Variants in PI4KA observed in about 807,000 individuals in gnomAD.
PI4KA encodes PI4-kinase alpha.
A neutral mutation model predicts 271.4 loss-of-function variants in PI4KA; 122 were observed. That is an observed-to-expected ratio of 0.45 (90% confidence interval 0.39 to 0.52). The LOEUF (loss-of-function observed/expected upper bound fraction) is 0.52. PI4KA is among the 20% of genes least tolerant of loss of function. The pLI is 0.00. For synonymous variants in PI4KA, 1,041 were observed against 1,078.8 expected (o/e 0.96, Z 0.69); for missense variants, 1,969 against 2,769.1 (o/e 0.71, Z 6.48).
At chr22:20,824,756 ACACAC>A in intron 3 of PI4KA, among the ~76,000 whole-genome samples, 1 of 151,454 alleles carries the variant, frequency 6.6e-6, no homozygotes, top group Non-Finnish European at 1.5e-5. Context: ...ACACACACAC[ACACAC>A]ACACACACAC....
chr22:20,786,183 C>T (rs2147517449), intron 19 of PI4KA: 1 of 1,612,222 alleles, frequency 6.2e-7, no homozygotes, highest in East Asian at 2.2e-5. Flanking sequence ...GACCCGTCCC[C>T]AGGGTCTGCC....
intron 48 of PI4KA, 49 bp from the exon 49 acceptor site, chr22:20,712,846 C>T: frequency 1.3e-6 from 2 of 1,550,814 alleles, no homozygotes; most frequent in Admixed American, 2.0e-5. Flanking sequence ...TCCTTGCACC[C>T]CAGCAGCTCT....
intron 32 of PI4KA, among the ~76,000 whole-genome samples, chr22:20,735,655 G>C (rs1928622124): frequency 6.6e-6 from 1 of 152,140 alleles, no homozygotes; most frequent in South Asian, 2.1e-4. Flanking sequence ...CTGCTGGGAG[G>C]CACAGAAGCC....
At chr22:20,803,529 TTTTTG>T (rs1370164871) in intron 12 of PI4KA, among the ~76,000 whole-genome samples, 3 of 152,142 alleles carry the variant, frequency 2.0e-5, no homozygotes, top group Admixed American at 1.3e-4. Context: ...AACTACTATT[TTTTTG>T]TTTTGTTTTT....
rs767094216 is a variant in PI4KA, at chr22:20,824,416, TG to T, written c.368-3del. On this transcript the variant is annotated splice_polypyrimidine_tract_variant and splice_region_variant and intron_variant, in intron 3 of 54. Coordinates refer to ENST00000255882, the MANE Select transcript of PI4KA (RefSeq NM_058004.4). ...AGCTCTCTGCAACCGGGAGGGCACC[TG>T]GAAGATGTAAAAACATAAATCAGAT... is the stretch of plus-strand genomic sequence containing the variant. 2 of 1,608,730 alleles carry T rather than the reference TG, an allele frequency of 1.2e-6. No homozygotes were observed. The highest frequency in any genetic ancestry group is 1.7e-6 in the Non-Finnish European group (2 of 1,176,336).
rs1935561910 is a variant in PI4KA at position 20,805,052 on chromosome 22, G to A, written c.1282C>T (p.Leu428=). 1 of 1,614,056 alleles carries A rather than the reference G, an allele frequency of 6.2e-7. No homozygotes were observed. Among genetic ancestry groups the A allele is most frequent in the Admixed American group, 1.7e-5 (1 of 60,008 alleles). ...LHDADRIHNE[L]SPLKLRCQAN... ...TGACAGCGCAGTTTGAGGGGGCTCA[G>A]CTCATTGTGGATCCGGTCTGCGTCA... The change falls in exon 11 of 55, where the codon CTG becomes TTG. Residue 428 remains leucine, a synonymous_variant. Transcript: ENST00000255882.
rs377382631 is a variant in PI4KA at position 20,734,060 on chromosome 22, G to A, written c.4035C>T (p.Ala1345=). The part of the protein sequence containing the change: ...AKGSMNRHVA[A]IGPRFKLLTL... Reference sequence around the variant, plus strand: ...GCCCTCACTTGAAGCGGGGCCCGATGGCCGCCACGTGCCGGTTCATGCTCC... The same window carrying A: ...GCCCTCACTTGAAGCGGGGCCCGATAGCCGCCACGTGCCGGTTCATGCTCC... The change falls in exon 34 of 55, where the codon GCC becomes GCT. Residue 1345 remains alanine (A), a synonymous_variant. Transcript: ENST00000255882. 5 of 1,598,254 alleles carry A rather than the reference G, an allele frequency of 3.1e-6. No homozygotes were observed. Among genetic ancestry groups the A allele is most frequent in the Non-Finnish European group, 2.6e-6 (3 of 1,173,276 alleles).
intron 19 of PI4KA, 97 bp downstream of exon 19, chr22:20,793,096 T>C: frequency 1.3e-6 from 1 of 799,490 alleles, no homozygotes; most frequent in South Asian, 1.4e-5. Context: ...GCCTCAACAC[T>C]GCACCTTTCT....
chr22:20,735,329 C>A (rs1370653702), intron 32 of PI4KA, among the ~76,000 whole-genome samples: 1 of 150,190 alleles, frequency 6.7e-6, no homozygotes, highest in East Asian at 1.9e-4. Flanking sequence ...CCCAGCAGCA[C>A]CAGCTTCTAC....
chr22:20,829,437 A>T (rs1257631303), intron 3 of PI4KA, among the ~76,000 whole-genome samples: 2 of 152,056 alleles, frequency 1.3e-5, no homozygotes, highest in Non-Finnish European at 2.9e-5. Flanking sequence ...TCTGGCTTGT[A>T]GGCATAGAGG....
chr22:20,763,025 G>A (rs976793091), intron 22 of PI4KA, among the ~76,000 whole-genome samples: 1 of 89,444 alleles, frequency 1.1e-5, no homozygotes, highest in Non-Finnish European at 2.1e-5. Context: ...TTTGGGGGGG[G>A]GGGGGGTTAG....
intron 23 of PI4KA, among the ~76,000 whole-genome samples, chr22:20,753,421 G>C (rs893739080): frequency 6.6e-6 from 1 of 152,078 alleles, no homozygotes; most frequent in Admixed American, 6.6e-5. Flanking sequence ...ACTTCGTCTG[G>C]ATTTCCCAGG....
chr22:20,775,174 G>A (rs1933169031), intron 19 of PI4KA, among the ~76,000 whole-genome samples: 1 of 151,268 alleles, frequency 6.6e-6, no homozygotes, highest in African/African-American at 2.4e-5. Flanking sequence ...TAGCAAGAAA[G>A]CACAATATGA....
chr22:20,712,850 C>G, intron 48 of PI4KA, 53 bp from the exon 49 acceptor site: 1 of 1,550,590 alleles, frequency 6.4e-7, no homozygotes, highest in East Asian at 2.4e-5. Flanking sequence ...TGCACCCCAG[C>G]AGCTCTTCTG....
chr22:20,758,384 AAAAAAC>A (rs1241534691), intron 23 of PI4KA, among the ~76,000 whole-genome samples: 12 of 146,480 alleles, frequency 8.2e-5, no homozygotes, highest in South Asian at 4.2e-4. Flanking sequence ...AAAAAAAAAA[AAAAAAC>A]ATGAGATTCT....
chr22:20,728,305 C>T (rs1013368127), intron 39 of PI4KA, among the ~76,000 whole-genome samples: 3 of 152,120 alleles, frequency 2.0e-5, no homozygotes, highest in African/African-American at 7.2e-5. Flanking sequence ...GCTAAATGTT[C>T]TATTATGCCA....
In PI4KA at chr22:20,742,605, TA is replaced by T; in HGVS notation, c.3613+2del. On this transcript the variant is annotated splice_donor_variant, in intron 31 of 54. Coordinates refer to ENST00000255882, the MANE Select transcript of PI4KA (RefSeq NM_058004.4). LOFTEE classifies it high-confidence loss of function. ...AGAATTCCACAGTGCTTCAGTGAGT[TA>T]CCTTTACTGCTAATGAGCATTGCGG... 6.2e-7 allele frequency: 1 copy of T among 1,614,138 alleles called. No homozygotes were observed. Among genetic ancestry groups the T allele is most frequent in the Non-Finnish European group, 8.5e-7 (1 of 1,179,972 alleles).
At chr22:20,722,384 G>A (rs1176722400) in intron 42 of PI4KA, among the ~76,000 whole-genome samples, 2 of 152,000 alleles carry the variant, frequency 1.3e-5, no homozygotes, top group Non-Finnish European at 2.9e-5. Flanking sequence ...ACAGGGTTTC[G>A]CCATGTTGTT....
intron 1 of PI4KA, among the ~76,000 whole-genome samples, chr22:20,849,550 T>C (rs1375881249): frequency 2.6e-5 from 4 of 152,014 alleles, no homozygotes; most frequent in Admixed American, 2.0e-4. Context: ...ACCTTGAAAA[T>C]ACGCCAAGTA....
Sources: gnomAD v4.1 joint callset for allele counts (sites outside exome capture counted in the v4.1 genomes callset) on GRCh38, gnomAD v4.1.1 for gene constraint, MANE v1.5 for transcripts, NCBI Gene and HGNC (gene_info 2026-07-23, HGNC 2026-07-21) for gene names.